SPIRE1: variants seen among roughly 807,000 people sequenced by gnomAD.
SPIRE1 encodes the protein spire type actin nucleation factor 1.
In SPIRE1, 40 loss-of-function variants were observed where a neutral mutation model predicts 94.1. The ratio of observed to expected loss-of-function variants is 0.43; its 90% confidence interval spans 0.33 to 0.55. The LOEUF (loss-of-function observed/expected upper bound fraction) is 0.55. SPIRE1 is among the 20% of genes least tolerant of loss of function. The pLI is 0.06. For missense variants in SPIRE1, 838 were observed against 975.2 expected, an observed-to-expected ratio of 0.86 and a Z score of 1.87; for synonymous variants, 376 against 371.7, an observed-to-expected ratio of 1.01 and a Z score of -0.13.
At chr18:12,486,093 C>T (rs1468379143) in intron 8 of SPIRE1, 93 bp from the exon 9 acceptor site, 46 of 906,636 alleles carry the variant, frequency 5.1e-5, no homozygotes, top group Admixed American at 1.5e-4. Context: ...AATGAAGACC[C>T]TTAGTGGCTA....
At chr18:12,488,952 G>A (rs1166977004) in intron 8 of SPIRE1, among the ~76,000 whole-genome samples, 1 of 152,150 alleles carries the variant, frequency 6.6e-6, no homozygotes, top group East Asian at 1.9e-4. Context: ...TTCGGAGGCC[G>A]AGACGGGTGG....
chr18:12,466,783 A>T (rs2032122044), intron 10 of SPIRE1, among the ~76,000 whole-genome samples: 1 of 152,140 alleles, frequency 6.6e-6, no homozygotes, highest in Admixed American at 6.5e-5. Context: ...AATGTGTGCC[A>T]TGGTGGTTTG....
intron 2 of SPIRE1, among the ~76,000 whole-genome samples, chr18:12,555,247 T>G (rs1004472421): frequency 6.7e-5 from 10 of 149,446 alleles, no homozygotes; most frequent in Admixed American, 2.0e-4. Flanking sequence ...TGAGCAGCAG[T>G]ACCTAAACAG....
At chr18:12,509,942 G>A (rs983902840) in intron 5 of SPIRE1, among the ~76,000 whole-genome samples, 3 of 151,980 alleles carry the variant, frequency 2.0e-5, no homozygotes, top group Non-Finnish European at 4.4e-5. Context: ...AAAATTAGCT[G>A]GGTGTGGTGG....
At chr18:12,608,867 C>T (rs2144675032) in intron 2 of SPIRE1, among the ~76,000 whole-genome samples, 1 of 152,264 alleles carries the variant, frequency 6.6e-6, no homozygotes, top group South Asian at 2.1e-4. Context: ...TTAAGAGTCA[C>T]AAAGAAGCAA....
intron 2 of SPIRE1, among the ~76,000 whole-genome samples, chr18:12,548,779 A>G (rs1458286287): frequency 6.6e-6 from 1 of 151,304 alleles, no homozygotes; most frequent in East Asian, 1.9e-4. Context: ...GGCCTGGCTA[A>G]TTTTTTTTGG....
At chr18:12,532,587 G>A (rs2034715842) in intron 4 of SPIRE1, among the ~76,000 whole-genome samples, 1 of 152,064 alleles carries the variant, frequency 6.6e-6, no homozygotes, top group Non-Finnish European at 1.5e-5. Flanking sequence ...CTAACTCATA[G>A]GTATAAAGAA....
intron 2 of SPIRE1, among the ~76,000 whole-genome samples, chr18:12,586,870 C>T (rs951554632): frequency 3.3e-5 from 5 of 152,134 alleles, no homozygotes; most frequent in South Asian, 2.1e-4. Flanking sequence ...TGAGAAAACA[C>T]TTATTTTAAC....
chr18:12,455,585 T>C (rs2031469657), intron 12 of SPIRE1, among the ~76,000 whole-genome samples: 2 of 152,328 alleles, frequency 1.3e-5, no homozygotes, highest in Non-Finnish European at 1.5e-5. Context: ...AAGATGTTGA[T>C]GTAACTGATC....
chr18:12,486,614 G>A (rs1008182344), intron 8 of SPIRE1, among the ~76,000 whole-genome samples: 2 of 152,188 alleles, frequency 1.3e-5, no homozygotes, highest in Non-Finnish European at 2.9e-5. Context: ...CCCCAGGCAA[G>A]TTACTTAACC....
chr18:12,520,787 G>A (rs1409396441), intron 4 of SPIRE1, among the ~76,000 whole-genome samples: 1 of 152,160 alleles, frequency 6.6e-6, no homozygotes. Context: ...TATTATTGGA[G>A]GTGTTGGCAT....
At chr18:12,452,699 C>A in intron 14 of SPIRE1, 187 bp from the exon 15 acceptor site, 1 of 652,814 alleles carries the variant, frequency 1.5e-6, no homozygotes, top group South Asian at 1.9e-5. Flanking sequence ...TTAACTCTTA[C>A]ACTGTCTCCT....
At chr18:12,488,913 C>T (rs1598923973) in intron 8 of SPIRE1, among the ~76,000 whole-genome samples, 5 of 152,138 alleles carry the variant, frequency 3.3e-5, no homozygotes, top group Admixed American at 2.0e-4. Context: ...GGGTCAGGCG[C>T]GGTGGCTCAC....
At chr18:12,642,598 G>C (rs775136015) in intron 1 of SPIRE1, among the ~76,000 whole-genome samples, 1 of 152,174 alleles carries the variant, frequency 6.6e-6, no homozygotes, top group Non-Finnish European at 1.5e-5. Context: ...TGCCAATTCT[G>C]AGTAACAGTG....
chr18:12,512,462 C>A lies in SPIRE1; in HGVS notation c.799G>T (p.Ala267Ser). The part of the protein sequence containing the change: ...SSTDLEELKN[A>S]DWARFWVQVM... ...GCATTTCCAGCTCTTACCCAGTCAG[C>A]GTTTTTCAGCTCTTCCAAGTCTGTG... Residue 267 changes from alanine to serine, a missense_variant, in exon 5 of 17, where the codon GCT becomes TCT. Ala to Ser is a moderately conservative substitution (Grantham distance 99). Around this residue, in one of 2 missense-constraint regions of SPIRE1, gnomAD observed 645 missense variants for 804.7 expected, o/e 0.80. Transcript: ENST00000409402. 6.2e-7 allele frequency: 1 copy of A among 1,609,458 alleles called. No homozygotes were observed. Among genetic ancestry groups the A allele is most frequent in the Non-Finnish European group, 8.5e-7 (1 of 1,176,290 alleles).
intron 6 of SPIRE1, among the ~76,000 whole-genome samples, chr18:12,500,459 A>G (rs1204743573): frequency 1.3e-5 from 2 of 152,158 alleles, no homozygotes; most frequent in Non-Finnish European, 2.9e-5. Context: ...AAAATGAACA[A>G]CAGCAAGTGT....
At chr18:12,649,841 C>T (rs2038327530) in intron 1 of SPIRE1, among the ~76,000 whole-genome samples, 1 of 152,174 alleles carries the variant, frequency 6.6e-6, no homozygotes, top group East Asian at 1.9e-4. Context: ...AACACAGATA[C>T]AAAACCACAA....
chr18:12,585,673 G>A (rs2036375882), intron 2 of SPIRE1, among the ~76,000 whole-genome samples: 1 of 152,034 alleles, frequency 6.6e-6, no homozygotes, highest in Non-Finnish European at 1.5e-5. Flanking sequence ...CAATGAGGTA[G>A]GTCTATATGT....
chr18:12,584,100 T>A (rs2036328428), intron 2 of SPIRE1, among the ~76,000 whole-genome samples: 1 of 151,994 alleles, frequency 6.6e-6, no homozygotes, highest in Middle Eastern at 3.4e-3. Context: ...AAATATATAA[T>A]ACATGCCAGG....
Sources: allele counts gnomAD v4.1 joint callset (sites outside exome capture counted in the v4.1 genomes callset), GRCh38; gene constraint gnomAD v4.1.1; regional missense constraint gnomAD v4.1.1; transcripts MANE v1.5; gene names NCBI Gene and HGNC (gene_info 2026-07-23, HGNC 2026-07-21).